The following EVC2 variants were observed in gnomAD, a reference collection of about 807,000 sequenced individuals.
EVC2 encodes EvC ciliary complex subunit 2, also known as limbin.
In EVC2, 148 loss-of-function variants were observed where a neutral mutation model predicts 149.3. The observed-to-expected ratio is 0.99, with a 90% CI of 0.87 to 1.14. EVC2 has a LOEUF of 1.14. EVC2 is among the 50% of genes most tolerant of loss of function. EVC2 has a pLI of 0.00. For missense variants in EVC2, 1,854 were observed against 1,627.3 expected, an observed-to-expected ratio of 1.14 and a Z score of -2.40; for synonymous variants, 776 against 649.9, an observed-to-expected ratio of 1.19 and a Z score of -2.95.
In EVC2 at chr4:5,576,154, G is replaced by A. The variant is rs1208122582; in HGVS notation, c.3272+86C>T. 1 of 1,606,348 alleles carries A rather than the reference G, an allele frequency of 6.2e-7. No homozygotes were observed. The highest frequency in any genetic ancestry group is 8.5e-7 in the Non-Finnish European group (1 of 1,176,898). ...GGCAAGAGGGTGAGAGCCCAGGTGG[G>A]TATGGGTGGGCTGAGTTGGAGATGC... On this transcript the variant is annotated intron_variant, in intron 18 of 21. Coordinates refer to ENST00000344408, the MANE Select transcript of EVC2 (RefSeq NM_147127.5). This position sits in a 1 kb window ranked among gnomAD's most constrained non-coding sequence, Gnocchi z 4.5.
At chr4:5,704,055 T>C (rs1577278063) in intron 1 of EVC2, among the ~76,000 whole-genome samples, 1 of 152,122 alleles carries the variant, frequency 6.6e-6, no homozygotes, top group South Asian at 2.1e-4. Flanking sequence ...GAGTGGTTTC[T>C]GCTCTGGGGA....
intron 14 of EVC2, among the ~76,000 whole-genome samples, chr4:5,619,811 A>AAG (rs1458850166): frequency 6.6e-6 from 1 of 152,192 alleles, no homozygotes; most frequent in Non-Finnish European, 1.5e-5. Context: ...CACAAGATGT[A>AAG]AGAGGAAATC....
rs1424190634 is a variant in EVC2, at chr4:5,574,747, C to T, written c.3298G>A (p.Val1100Ile). ...TTTTCCAACAAGTCTTCTAGCACGA[C>T]ACTGTTCTGTTGTTCCTCTCTCAAA... ...QCLREEQQNS[V>I]VLEDLLENME... The change falls in exon 19 of 22, where the codon GTC becomes ATC. Residue 1100 changes from valine (V) to isoleucine (I), a missense_variant. Transcript: ENST00000344408. The T allele has an allele frequency of 6.2e-7, 1 of 1,614,208 alleles. No individual in the cohort carries two copies. Among genetic ancestry groups the T allele is most frequent in the East Asian group, 2.2e-5 (1 of 44,880 alleles).
At chr4:5,603,344 T>C (rs1714142509) in intron 16 of EVC2, among the ~76,000 whole-genome samples, 1 of 152,184 alleles carries the variant, frequency 6.6e-6, no homozygotes, top group Non-Finnish European at 1.5e-5. Context: ...AGGGGAGATG[T>C]GAGGATAACT....
intron 16 of EVC2, among the ~76,000 whole-genome samples, chr4:5,587,222 C>A (rs1712367038): frequency 1.3e-5 from 2 of 152,290 alleles, no homozygotes; most frequent in African/African-American, 4.8e-5. Flanking sequence ...ATTTTCACCA[C>A]CCCTAAAGCA....
chr4:5,707,204 G>A (rs1722261506), intron 1 of EVC2, among the ~76,000 whole-genome samples: 1 of 152,196 alleles, frequency 6.6e-6, no homozygotes, highest in African/African-American at 2.4e-5. Flanking sequence ...CAAGTGAAAG[G>A]ACCCAGGGAA....
At chr4:5,664,952 T>C (rs553980311) in intron 8 of EVC2, among the ~76,000 whole-genome samples, 2 of 139,728 alleles carry the variant, frequency 1.4e-5, no homozygotes, top group Non-Finnish European at 3.1e-5. Context: ...TGATGGGGTG[T>C]GTGTGGGTGA....
At chr4:5,587,677 C>T (rs1458619860) in intron 16 of EVC2, among the ~76,000 whole-genome samples, 1 of 152,192 alleles carries the variant, frequency 6.6e-6, no homozygotes, top group Non-Finnish European at 1.5e-5. Flanking sequence ...GTCTCAAGAG[C>T]TGAGCTCCCC....
rs557673895 is a variant in EVC2 at position 5,614,782 on chromosome 4, A to C, written c.2829+640T>G. Among the ~76,000 whole-genome samples, 1 of 152,200 alleles carries C rather than the reference A, an allele frequency of 6.6e-6. No individual in the cohort carries two copies. Among genetic ancestry groups the C allele is most frequent in the South Asian group, 2.1e-4 (1 of 4,814 alleles). ...CACCTGAAGTCAGGAGTTTGAGACC[A>C]ATCTGGCCAACATGGTGAAACCACA... On this transcript the variant is annotated intron_variant, in intron 16 of 21. Transcript: ENST00000344408. The surrounding 1 kb of genome is among the most constrained non-coding windows in gnomAD (Gnocchi z 4.7).
intron 17 of EVC2, among the ~76,000 whole-genome samples, chr4:5,584,092 T>A (rs924156054): frequency 5.9e-5 from 9 of 152,152 alleles, no homozygotes; most frequent in African/African-American, 2.2e-4. Flanking sequence ...GTTTTTTCCT[T>A]ATTATAAGTA....
Position 5,640,929 on chromosome 4 carries a change from G to C in EVC2, c.1146-91C>G. On this transcript the variant is annotated intron_variant, in intron 9 of 21. Transcript: ENST00000344408. The surrounding 1 kb of genome is among the most constrained non-coding windows in gnomAD (Gnocchi z 4.6). ...AAAGCTCTGAGGTTTTCATTTATGT[G>C]TAGGCAAGGGCTTTCTTCGTCTTCC... 7.0e-7 allele frequency: 1 copy of C among 1,425,290 alleles called. No homozygotes were observed. The highest frequency in any genetic ancestry group is 9.8e-7 in the Non-Finnish European group (1 of 1,016,080). The allele number at this position is 1,425,290 out of a possible 1,614,324, so 88.3% of individuals were successfully genotyped here.
rs767786478 is a variant in EVC2 at position 5,615,403 on chromosome 4, G to C, written c.2829+19C>G. Reference sequence around the variant, plus strand: ...GCCATGTGCAGAGAGAAACAGCTGGGTGAAGCAGATGTACTGACCTTTTCC... The same window carrying C: ...GCCATGTGCAGAGAGAAACAGCTGGCTGAAGCAGATGTACTGACCTTTTCC... On this transcript the variant is annotated intron_variant, in intron 16 of 21. Coordinates refer to ENST00000344408, the MANE Select transcript of EVC2 (RefSeq NM_147127.5). 1 of 1,614,156 alleles carries C rather than the reference G, an allele frequency of 6.2e-7. No homozygotes were observed. Among genetic ancestry groups the C allele is most frequent in the South Asian group, 1.1e-5 (1 of 91,082 alleles).
At chr4:5,579,397 A>G (rs938935593) in intron 17 of EVC2, among the ~76,000 whole-genome samples, 1 of 152,224 alleles carries the variant, frequency 6.6e-6, no homozygotes, top group Non-Finnish European at 1.5e-5. Context: ...AGCTCCATTG[A>G]TGCTGGTTAA....
chr4:5,669,877 A>G (rs1402157923), intron 7 of EVC2, among the ~76,000 whole-genome samples: 1 of 152,220 alleles, frequency 6.6e-6, no homozygotes, highest in Non-Finnish European at 1.5e-5. Context: ...ACCTAGGAAG[A>G]GGGAAAAACC....
At chr4:5,674,356 T>C (rs996943216) in intron 7 of EVC2, among the ~76,000 whole-genome samples, 1 of 152,220 alleles carries the variant, frequency 6.6e-6, no homozygotes, top group Non-Finnish European at 1.5e-5. Flanking sequence ...GTTCTGAACC[T>C]GGCCAGTTCC....
chr4:5,618,803 C>T lies in EVC2; in HGVS notation c.2502-121G>A, dbSNP rs1360940667. On this transcript the variant is annotated intron_variant, in intron 14 of 21. Transcript: ENST00000344408. This position sits in a 1 kb window ranked among gnomAD's most constrained non-coding sequence, Gnocchi z 4.4. The stretch of plus-strand genomic sequence containing the variant: ...TCCATGTCTGCAGAAAAAGCACTGG[C>T]TCCTTAATCATGCATTCCTGCCACA... 2.1e-6 allele frequency: 2 copies of T among 947,434 alleles called. No homozygotes were observed. The highest frequency in any genetic ancestry group is 2.0e-5 in the Admixed American group (1 of 49,562). 58.7% of individuals were successfully genotyped at this position (947,434 alleles called of 1,614,324 possible). A position where few individuals can be genotyped will look rare whatever the true frequency, so the allele number is the denominator to read the frequency against.
rs1015223171 is a variant in EVC2, at chr4:5,670,352, TCAC to T, written c.871-4706_871-4704del. Among the ~76,000 whole-genome samples the T allele has an allele frequency of 6.6e-6, 1 of 151,606 alleles. No individual in the cohort carries two copies. Among genetic ancestry groups the T allele is most frequent in the African/African-American group, 2.4e-5 (1 of 41,266 alleles). ...ATCATCACCATCACCACAATGACTG[TCAC>T]CACCACCATCACCACCATCATTATC... On this transcript the variant is annotated intron_variant, in intron 7 of 21. Coordinates refer to ENST00000344408, the MANE Select transcript of EVC2 (RefSeq NM_147127.5). This position sits in a 1 kb window ranked among gnomAD's most constrained non-coding sequence, Gnocchi z 5.2.
At position 5,637,533 on chromosome 4, in the gene EVC2, G is replaced by A. The variant is rs1026978642; in HGVS notation, c.1470+2981C>T. ...GGATGAGCTGTTATTGTTACACATC[G>A]TATTTTTTAAGAGTATTTAATAAAA... is the stretch of plus-strand genomic sequence containing the variant. On this transcript the variant is annotated intron_variant, in intron 10 of 21. Transcript: ENST00000344408. This position sits in a 1 kb window ranked among gnomAD's most constrained non-coding sequence, Gnocchi z 4.4. Among the ~76,000 whole-genome samples the A allele has an allele frequency of 5.9e-5, 9 of 152,162 alleles. No homozygotes were observed. Among genetic ancestry groups the A allele is most frequent in the Non-Finnish European group, 1.0e-4 (7 of 68,028 alleles).
At chr4:5,542,068 T>C (rs1309151449), downstream of EVC2, among the ~76,000 whole-genome samples, 2 of 152,152 alleles carry the variant, frequency 1.3e-5, no homozygotes, top group Non-Finnish European at 2.9e-5. Flanking sequence ...CAGCTAGCCC[T>C]TCCTGCCATA....
Sources: gnomAD v4.1 joint callset for allele counts (sites outside exome capture counted in the v4.1 genomes callset) on GRCh38, gnomAD v4.1.1 for gene constraint, Gnocchi (gnomAD v3.1) non-coding constraint, MANE v1.5 for transcripts, NCBI Gene and HGNC (gene_info 2026-07-23, HGNC 2026-07-21) for gene names.